EXOC4: variants seen among roughly 807,000 people sequenced by gnomAD.
EXOC4 encodes SEC8-like 1.
In EXOC4, 71 loss-of-function variants were observed where a neutral mutation model predicts 107.2. The observed-to-expected ratio is 0.66, with a 90% CI of 0.55 to 0.81. EXOC4 has a LOEUF of 0.81. Among genes scored for constraint, EXOC4 ranks in the 30% least tolerant of loss-of-function variants. The probability of loss-of-function intolerance (pLI) is 0.00; values close to 1 mark genes in which losing one functional copy is unlikely to be tolerated. For synonymous variants in EXOC4, 456 were observed against 441.2 expected (o/e 1.03, Z -0.42); for missense variants, 1,108 against 1,189.6 (o/e 0.93, Z 1.01).
At chr7:133,496,636 C>T (rs530982287) in intron 9 of EXOC4, among the ~76,000 whole-genome samples, 2 of 152,280 alleles carry the variant, frequency 1.3e-5, no homozygotes, top group East Asian at 3.9e-4. Flanking sequence ...TCTCTTTCAA[C>T]TTTTTGTAAT....
At chr7:133,921,484 CTCTTT>C (rs530342546) in intron 13 of EXOC4, among the ~76,000 whole-genome samples, 39 of 152,112 alleles carry the variant, frequency 2.6e-4, no homozygotes, top group South Asian at 8.3e-4. Flanking sequence ...TGTTTTTTTT[CTCTTT>C]TAACAACTAA....
chr7:133,874,959 ATAAT>A (rs1186195472), intron 11 of EXOC4, among the ~76,000 whole-genome samples: 1 of 152,226 alleles, frequency 6.6e-6, no homozygotes, highest in Non-Finnish European at 1.5e-5. Context: ...AAAGGACAAA[ATAAT>A]CACATAAAAT....
At chr7:133,642,801 A>G (rs550231452) in intron 10 of EXOC4, among the ~76,000 whole-genome samples, 1 of 152,196 alleles carries the variant, frequency 6.6e-6, no homozygotes, top group South Asian at 2.1e-4. Context: ...GCCCCCTTGT[A>G]CACTTCAAAG....
intron 10 of EXOC4, among the ~76,000 whole-genome samples, chr7:133,697,931 C>T (rs1438136537): frequency 6.6e-6 from 1 of 152,136 alleles, no homozygotes; most frequent in Non-Finnish European, 1.5e-5. Context: ...CCAATGTCTG[C>T]TTACTCAGAA....
At chr7:134,022,218 T>A (rs560776438) in intron 17 of EXOC4, among the ~76,000 whole-genome samples, 5 of 152,248 alleles carry the variant, frequency 3.3e-5, no homozygotes, top group Admixed American at 6.5e-5. Flanking sequence ...ATACAACATA[T>A]GAGAATTTGT....
chr7:133,616,757 T>C (rs1802203700), intron 9 of EXOC4, among the ~76,000 whole-genome samples: 2 of 152,184 alleles, frequency 1.3e-5, no homozygotes, highest in African/African-American at 4.8e-5. Context: ...AAACATACAG[T>C]TCATTCTCAT....
chr7:133,990,095 T>C (rs1012110609), intron 14 of EXOC4, among the ~76,000 whole-genome samples: 2 of 152,192 alleles, frequency 1.3e-5, no homozygotes, highest in Non-Finnish European at 2.9e-5. Context: ...AACTGGGATA[T>C]CCATCACCTC....
intron 11 of EXOC4, among the ~76,000 whole-genome samples, chr7:133,889,382 T>A (rs1032236277): frequency 2.6e-5 from 4 of 151,056 alleles, no homozygotes; most frequent in Non-Finnish European, 4.4e-5. Flanking sequence ...TTTTTTTTTT[T>A]CAGAGTCCAC....
At chr7:133,659,082 G>A (rs968695043) in intron 10 of EXOC4, among the ~76,000 whole-genome samples, 1 of 132,348 alleles carries the variant, frequency 7.6e-6, no homozygotes, top group African/African-American at 2.9e-5. Context: ...AGAAGTAGCT[G>A]TGGTATCTCC....
intron 9 of EXOC4, among the ~76,000 whole-genome samples, chr7:133,557,305 AT>A (rs886805556): frequency 6.6e-5 from 10 of 150,832 alleles, no homozygotes; most frequent in African/African-American, 1.7e-4. Flanking sequence ...CTTAGGTTGC[AT>A]TTTTTTTCAT....
At chr7:134,089,733 T>A in the EXOC4 span, among the ~76,000 whole-genome samples, 3 of 152,218 alleles carry the variant, frequency 2.0e-5, no homozygotes, top group East Asian at 3.8e-4. Flanking sequence ...TCCCTTTTTT[T>A]AAACAACCAA....
intron 7 of EXOC4, among the ~76,000 whole-genome samples, chr7:133,424,526 G>A (rs1584906319): frequency 6.6e-6 from 1 of 151,928 alleles, no homozygotes; most frequent in African/African-American, 2.4e-5. Flanking sequence ...AGGGTCCGTG[G>A]CTTCATTCTT....
chr7:133,368,833 T>C (rs1796302354), intron 6 of EXOC4, among the ~76,000 whole-genome samples: 1 of 152,206 alleles, frequency 6.6e-6, no homozygotes, highest in African/African-American at 2.4e-5. Flanking sequence ...GAAATTGCAA[T>C]TAATTGAAAT....
intron 7 of EXOC4, among the ~76,000 whole-genome samples, chr7:133,431,573 G>T (rs1309860604): frequency 1.3e-5 from 2 of 152,154 alleles, no homozygotes; most frequent in African/African-American, 2.4e-5. Flanking sequence ...TCTTGCAGAT[G>T]GAGGAATCCA....
chr7:134,052,969 C>T (rs1004807845), intron 17 of EXOC4, among the ~76,000 whole-genome samples: 3 of 152,144 alleles, frequency 2.0e-5, no homozygotes, highest in Admixed American at 6.5e-5. Context: ...TTCCTCTTTT[C>T]CCAGTGTCAG....
intron 13 of EXOC4, among the ~76,000 whole-genome samples, chr7:133,935,325 C>T (rs1800274786): frequency 6.6e-6 from 1 of 152,150 alleles, no homozygotes; most frequent in East Asian, 1.9e-4. Context: ...TTACATCTCA[C>T]TGGCCACCAC....
At chr7:133,384,396 G>C (rs550247821) in intron 7 of EXOC4, among the ~76,000 whole-genome samples, 109 of 152,212 alleles carry the variant, frequency 7.2e-4, no homozygotes, top group African/African-American at 2.4e-3. Flanking sequence ...GCTTATCTCT[G>C]TCTGGTTTTG....
Position 133,529,092 on chromosome 7 carries a change from G to A in EXOC4, c.1417+48954G>A, listed in dbSNP as rs1240494520. 9.2e-5 allele frequency among the ~76,000 whole-genome samples: 14 copies of A among 152,168 alleles called. 2 individuals carry two copies. The South Asian group carries it at 2.7e-3, about 29-fold the overall frequency. On this transcript the variant is annotated intron_variant, in intron 9 of 17. Transcript: ENST00000253861. ...TCCTGAGATCTAAAGTATCCCTTTC[G>A]TTACCACCTAGTGTTCTCTTCCTTT...
chr7:133,863,387 G>A (rs1798573970), intron 11 of EXOC4, among the ~76,000 whole-genome samples: 1 of 152,142 alleles, frequency 6.6e-6, no homozygotes, highest in South Asian at 2.1e-4. Context: ...CTGACTAAAT[G>A]CCACAATGTG....
Sources: allele counts gnomAD v4.1 joint callset (sites outside exome capture counted in the v4.1 genomes callset), GRCh38; gene constraint gnomAD v4.1.1; transcripts MANE v1.5; gene names NCBI Gene and HGNC (gene_info 2026-07-23, HGNC 2026-07-21).